Variants in TMOD3 observed in about 807,000 individuals in gnomAD.
The protein encoded by TMOD3 is tropomodulin-3.
In TMOD3, 20 loss-of-function variants were observed where a neutral mutation model predicts 39.2. The ratio of observed to expected loss-of-function variants is 0.51; its 90% CI spans 0.36 to 0.74. The LOEUF is 0.74. Ranked by LOEUF, TMOD3 falls within the 30% of genes least tolerant of loss-of-function variation. The probability of loss-of-function intolerance (pLI) is 0.00; values close to 1 mark genes in which losing one functional copy is unlikely to be tolerated. For missense variants in TMOD3, 381 were observed against 412.8 expected, an observed-to-expected ratio of 0.92 and a Z score of 0.67; for synonymous variants, 143 against 145.8, an observed-to-expected ratio of 0.98 and a Z score of 0.14.
chr15:51,889,017 GT>G, intron 4 of TMOD3, 38 bp from the exon 5 acceptor site: 2 of 1,373,480 alleles, frequency 1.5e-6, no homozygotes, highest in Non-Finnish European at 2.0e-6. Context: ...AACTCTTCAT[GT>G]TTAAAACAAT....
intron 4 of TMOD3, among the ~76,000 whole-genome samples, chr15:51,888,410 G>A (rs968661598): frequency 4.6e-5 from 7 of 152,192 alleles, no homozygotes; most frequent in Admixed American, 3.9e-4. Context: ...GGAGTCTTAC[G>A]GGTTGAGGGA....
At chr15:51,849,606 A>G (rs1364175555) in intron 1 of TMOD3, among the ~76,000 whole-genome samples, 1 of 152,076 alleles carries the variant, frequency 6.6e-6, no homozygotes, top group African/African-American at 2.4e-5. Context: ...AAGTGAGGAA[A>G]GTGTTTTATG....
intron 3 of TMOD3, among the ~76,000 whole-genome samples, chr15:51,870,501 A>T (rs1165014461): frequency 6.6e-6 from 1 of 152,164 alleles, no homozygotes; most frequent in African/African-American, 2.4e-5. Flanking sequence ...TTTTTATTTG[A>T]GAAAGAGGCC....
intron 1 of TMOD3, chr15:51,860,504 T>A: frequency 1.7e-6 from 1 of 575,426 alleles, no homozygotes; most frequent in Non-Finnish European, 3.4e-6. Context: ...ATAGTTGCCT[T>A]GCACTTTCTG....
rs939354411 is a variant in TMOD3, at chr15:51,910,774, T to TTTTGG, written c.*1968_*1972dup. The TTTTGG allele has an allele frequency of 1.3e-5, 2 of 152,120 alleles. No individual in the cohort carries two copies. The highest frequency in any genetic ancestry group is 4.8e-5 in the African/African-American group (2 of 41,378). 9.4% of individuals were successfully genotyped at this position (152,120 alleles called of 1,614,324 possible). A position where few individuals can be genotyped will look rare whatever the true frequency, so the allele number is the denominator to read the frequency against. On this transcript the variant is annotated 3_prime_UTR_variant, in exon 10 of 10. Coordinates refer to ENST00000308580, the MANE Select transcript of TMOD3 (RefSeq NM_014547.5). ...TTTTTTGTTTTGGTTTGTTTTGGTTTTTTGGTTTTGTTTTGTTTTGTTTTT... is the reference window on the plus strand; with the variant it reads ...TTTTTTGTTTTGGTTTGTTTTGGTTTTTTGGTTTGGTTTTGTTTTGTTTTGTTTTT...
intron 1 of TMOD3, among the ~76,000 whole-genome samples, chr15:51,837,785 A>G (rs2056293870): frequency 1.3e-5 from 2 of 152,068 alleles, no homozygotes; most frequent in Admixed American, 6.6e-5. Flanking sequence ...CTTTCCTTAG[A>G]CATTGGCCAG....
Position 51,835,327 on chromosome 15 carries a change from A to C in TMOD3, c.-75+5491A>C, listed in dbSNP as rs1382996119. 2.6e-5 allele frequency among the ~76,000 whole-genome samples: 4 copies of C among 152,206 alleles called. No individual in the cohort carries two copies. In the South Asian group the frequency reaches 8.3e-4, roughly 32 times the overall value. ...TTCTGTTTTGTTTTGTTTTGAGACA[A>C]GGTCTCAATTTGTCACCCAGTTTGG... On this transcript the variant is annotated intron_variant, in intron 1 of 9. Transcript: ENST00000308580.
At chr15:51,878,376 ATG>A (rs10586896) in intron 3 of TMOD3, among the ~76,000 whole-genome samples, 16,809 of 147,256 alleles carry the variant, frequency 0.11, 1,858 homozygotes, top group African/African-American at 0.29. Context: ...TTTAAAATAT[ATG>A]TGTGTGTGTG....
chr15:51,912,322 G>T lies in TMOD3; in HGVS notation c.*3512G>T, dbSNP rs1481745223. On this transcript the variant is annotated 3_prime_UTR_variant, in exon 10 of 10. Transcript: ENST00000308580. Reference sequence around the variant, plus strand: ...CACACCTGTGATCTCAGCTACTCGGGAGGCTGAGGCAGGAGAATCACTAGA... The same window carrying T: ...CACACCTGTGATCTCAGCTACTCGGTAGGCTGAGGCAGGAGAATCACTAGA... 6.6e-6 allele frequency: 1 copy of T among 151,942 alleles called. No homozygotes were observed. Among genetic ancestry groups the T allele is most frequent in the Non-Finnish European group, 1.5e-5 (1 of 68,038 alleles). 9.4% of individuals were successfully genotyped at this position (151,942 alleles called of 1,614,324 possible). A position where few individuals can be genotyped will look rare whatever the true frequency, so the allele number is the denominator to read the frequency against.
At chr15:51,830,117 G>C (rs925956185) in intron 1 of TMOD3, among the ~76,000 whole-genome samples, 1 of 152,126 alleles carries the variant, frequency 6.6e-6, no homozygotes, top group African/African-American at 2.4e-5. Context: ...GCCCGGGTTC[G>C]GGACCGGCCC....
chr15:51,890,743 CAT>C (rs751427440), intron 5 of TMOD3, among the ~76,000 whole-genome samples: 6 of 152,190 alleles, frequency 3.9e-5, no homozygotes, highest in South Asian at 2.1e-4. Flanking sequence ...ATCATTCAGA[CAT>C]GTGTATAACA....
chr15:51,887,509 A>G lies in TMOD3; in HGVS notation c.284-80A>G, dbSNP rs184171043. 1.8e-4 allele frequency: 255 copies of G among 1,433,128 alleles called. No homozygotes were observed. The African/African-American group carries it at 3.3e-3, about 18-fold the overall frequency. 88.8% of individuals were successfully genotyped at this position (1,433,128 alleles called of 1,614,324 possible). A position where few individuals can be genotyped will look rare whatever the true frequency, so the allele number is the denominator to read the frequency against. On this transcript the variant is annotated intron_variant, in intron 3 of 9. Transcript: ENST00000308580. ...AATCTTTTCCTTCAGGTTCAGTTGT[A>G]CATGCTTTGGTTACAAGGATAAAAT...
At chr15:51,863,196 T>C (rs967552070) in intron 2 of TMOD3, among the ~76,000 whole-genome samples, 186 bp downstream of exon 2, 1 of 152,220 alleles carries the variant, frequency 6.6e-6, no homozygotes, top group African/African-American at 2.4e-5. Context: ...TTTAATGACA[T>C]GACTGTCCTA....
At chr15:51,872,130 A>G (rs1294296692) in intron 3 of TMOD3, among the ~76,000 whole-genome samples, 1 of 152,158 alleles carries the variant, frequency 6.6e-6, no homozygotes, top group Admixed American at 6.6e-5. Flanking sequence ...GCGGTAGCTC[A>G]ACGCCTGTAA....
chr15:51,901,885 A>G lies in TMOD3; in HGVS notation c.880-7A>G. On this transcript the variant is annotated splice_region_variant and splice_polypyrimidine_tract_variant and intron_variant, in intron 8 of 9. Transcript: ENST00000308580. The stretch of plus-strand genomic sequence containing the variant: ...TTAATATTGTTCTTTTTTTCTAATT[A>G]CTCCAGAGGCAGCAGTTGGGGACAG... 1 of 1,606,270 alleles carries G rather than the reference A, an allele frequency of 6.2e-7. No homozygotes were observed. The highest frequency in any genetic ancestry group is 8.5e-7 in the Non-Finnish European group (1 of 1,178,130).
intron 4 of TMOD3, 78 bp from the exon 5 acceptor site, chr15:51,888,978 A>C: frequency 1.1e-6 from 1 of 906,152 alleles, no homozygotes; most frequent in South Asian, 1.5e-5. Flanking sequence ...GAGGATATTA[A>C]AATTATTGAT....
chr15:51,850,669 G>A (rs1319651424), intron 1 of TMOD3, among the ~76,000 whole-genome samples: 1 of 152,188 alleles, frequency 6.6e-6, no homozygotes, highest in African/African-American at 2.4e-5. Flanking sequence ...GTCAGTTCAT[G>A]TATTTTTTCT....
chr15:51,901,661 C>T (rs991637344), intron 8 of TMOD3, among the ~76,000 whole-genome samples: 1 of 150,508 alleles, frequency 6.6e-6, no homozygotes, highest in Non-Finnish European at 1.5e-5. Flanking sequence ...TGGGTAAAAT[C>T]CCCTTCCTGT....
At chr15:51,875,794 A>G (rs1326846019) in intron 3 of TMOD3, among the ~76,000 whole-genome samples, 4 of 150,954 alleles carry the variant, frequency 2.6e-5, no homozygotes, top group Non-Finnish European at 5.9e-5. Flanking sequence ...TTTTTTTTGT[A>G]TTTTTAGTAG....
Sources: gnomAD v4.1 joint callset for allele counts (sites outside exome capture counted in the v4.1 genomes callset) on GRCh38, gnomAD v4.1.1 for gene constraint, MANE v1.5 for transcripts, NCBI Gene and HGNC (gene_info 2026-07-23, HGNC 2026-07-21) for gene names.